Variants in NFIB observed in about 807,000 individuals in gnomAD.
The protein encoded by NFIB is nuclear factor I B.
Under a neutral mutation model 61.5 loss-of-function variants are expected in NFIB, and 11 were observed. That is an observed-to-expected ratio of 0.18 (90% CI 0.11 to 0.30). The LOEUF is 0.30. Ranked by LOEUF, NFIB falls within the 10% of genes least tolerant of loss-of-function variation. NFIB has a pLI of 1.00. For missense variants in NFIB, 471 were observed against 608.9 expected (o/e 0.77, Z 2.38); for synonymous variants, 260 against 216.5 (o/e 1.20, Z -1.76).
In NFIB at chr9:14,116,246, C is replaced by T; in HGVS notation, c.1346G>A (p.Ser449Asn). Residue 449 changes from serine (S) to asparagine (N), a missense_variant, in exon 9 of 11, where the codon AGC becomes AAC. Ser to Asn is a conservative substitution (Grantham distance 46, BLOSUM62 1). Transcript: ENST00000380953. ...AGTGATGGGTTTAGTATCTGTCATG[C>T]TCAGGGTCACAGGTCGCACTGCACT... ...HPSAVRPVTLSMTDTKPITTS... is the reference protein window; with the variant it reads ...HPSAVRPVTLNMTDTKPITTS... 1 of 1,537,830 alleles carries T rather than the reference C, an allele frequency of 6.5e-7. No homozygotes were observed. The highest frequency in any genetic ancestry group is 2.5e-5 in the East Asian group (1 of 40,002).
At chr9:14,367,248 A>G (rs1299998004) in intron 1 of NFIB, among the ~76,000 whole-genome samples, 2 of 152,146 alleles carry the variant, frequency 1.3e-5, no homozygotes, top group East Asian at 3.9e-4. Context: ...ACAAGGAAAC[A>G]TTATTAATTG....
At chr9:14,211,422 C>T (rs377622417) in intron 2 of NFIB, among the ~76,000 whole-genome samples, 1 of 152,172 alleles carries the variant, frequency 6.6e-6, no homozygotes. Flanking sequence ...ATTGGGTCTA[C>T]ACTGGTTAAG....
At chr9:14,491,007 T>G in the NFIB span, among the ~76,000 whole-genome samples, 1 of 152,218 alleles carries the variant, frequency 6.6e-6, no homozygotes, top group Non-Finnish European at 1.5e-5. Context: ...AATAATTGTG[T>G]TACATTCATT....
intron 2 of NFIB, among the ~76,000 whole-genome samples, chr9:14,250,175 T>C (rs537278406): frequency 5.6e-4 from 85 of 152,330 alleles, no homozygotes; most frequent in African/African-American, 1.7e-3. Flanking sequence ...TTTGAGTTTA[T>C]GGCCTGTTGA....
At chr9:14,188,226 T>G (rs1487729155) in intron 2 of NFIB, among the ~76,000 whole-genome samples, 1 of 152,218 alleles carries the variant, frequency 6.6e-6, no homozygotes, top group Non-Finnish European at 1.5e-5. Flanking sequence ...TGATTTGTAA[T>G]CTTATTTAAA....
At chr9:14,492,951 T>C in the NFIB span, among the ~76,000 whole-genome samples, 2 of 152,210 alleles carry the variant, frequency 1.3e-5, no homozygotes, top group African/African-American at 4.8e-5. Flanking sequence ...TTCATATTCC[T>C]ACTGTTTGAT....
At chr9:14,317,328 A>C (rs886114361), upstream of NFIB, 2 of 152,316 alleles carry the variant, frequency 1.3e-5, no homozygotes, top group Non-Finnish European at 2.9e-5. Flanking sequence ...AAGGGCGAAG[A>C]AGCAGCGTCA....
chr9:14,448,335 A>G, the NFIB span, among the ~76,000 whole-genome samples: 1 of 152,314 alleles, frequency 6.6e-6, no homozygotes, highest in East Asian at 1.9e-4. Context: ...TGCGGTATCT[A>G]TAGTGGTAGG....
At chr9:14,201,275 T>A (rs2049002030) in intron 2 of NFIB, among the ~76,000 whole-genome samples, 2 of 152,020 alleles carry the variant, frequency 1.3e-5, no homozygotes. Context: ...ATCTACAACC[T>A]CCTTAGTACA....
intron 3 of NFIB, among the ~76,000 whole-genome samples, chr9:14,159,122 G>A (rs2043828850): frequency 6.6e-6 from 1 of 152,120 alleles, no homozygotes. Flanking sequence ...GAAGGGATGA[G>A]TCAGCTCAAG....
chr9:14,162,619 GT>G (rs2044331435), intron 3 of NFIB, among the ~76,000 whole-genome samples: 1 of 151,978 alleles, frequency 6.6e-6, no homozygotes, highest in African/African-American at 2.4e-5. Flanking sequence ...GTCCCAATAT[GT>G]TTTATGCTCT....
intron 10 of NFIB, chr9:14,094,317 A>G (rs756390051): frequency 1.3e-4 from 20 of 152,108 alleles, no homozygotes; most frequent in Non-Finnish European, 1.8e-4. Context: ...CTTGAGCCCA[A>G]AATTCAGCAC....
the NFIB span, among the ~76,000 whole-genome samples, chr9:14,517,145 A>T: frequency 1.3e-5 from 2 of 152,236 alleles, no homozygotes; most frequent in Admixed American, 1.3e-4. Flanking sequence ...GGAGGAAAGC[A>T]TCTAAAATTT....
At chr9:14,128,174 G>C (rs929629545) in intron 6 of NFIB, among the ~76,000 whole-genome samples, 16 of 152,086 alleles carry the variant, frequency 1.1e-4, no homozygotes, top group Admixed American at 9.2e-4. Context: ...AGATTATTAA[G>C]AGGTGGAAAG....
chr9:14,163,045 T>C (rs764606237), intron 3 of NFIB, among the ~76,000 whole-genome samples: 11 of 152,090 alleles, frequency 7.2e-5, no homozygotes, highest in Non-Finnish European at 1.5e-4. Context: ...CTAACTCTTC[T>C]ACACCTCACA....
the NFIB span, among the ~76,000 whole-genome samples, chr9:14,415,366 A>G: frequency 6.6e-6 from 1 of 152,192 alleles, no homozygotes; most frequent in African/African-American, 2.4e-5. Context: ...CCCACAACAC[A>G]TGACTTATAC....
chr9:14,472,803 C>G, the NFIB span, among the ~76,000 whole-genome samples: 1 of 151,576 alleles, frequency 6.6e-6, no homozygotes, highest in Non-Finnish European at 1.5e-5. Flanking sequence ...ATCGAGCCAA[C>G]GCACTGCAGC....
intron 10 of NFIB, among the ~76,000 whole-genome samples, chr9:14,096,025 A>G (rs777092330): frequency 5.3e-5 from 8 of 152,140 alleles, no homozygotes; most frequent in Non-Finnish European, 4.4e-5. Flanking sequence ...ATTCATTCAT[A>G]GTCTTTGTTA....
chr9:14,482,286 C>G, the NFIB span, among the ~76,000 whole-genome samples: 1 of 152,114 alleles, frequency 6.6e-6, no homozygotes, highest in Admixed American at 6.5e-5. Context: ...GTGCCCTGAC[C>G]AAGGGCATAG....
Sources: allele counts gnomAD v4.1 joint callset (sites outside exome capture counted in the v4.1 genomes callset), GRCh38; gene constraint gnomAD v4.1.1; transcripts MANE v1.5; gene names NCBI Gene and HGNC (gene_info 2026-07-23, HGNC 2026-07-21).